Variants in ITPR2 observed in about 807,000 individuals in gnomAD.
The protein encoded by ITPR2 is inositol 1,4,5-trisphosphate-gated calcium channel ITPR2.
A neutral mutation model predicts 317.1 loss-of-function variants in ITPR2; 207 were observed. The observed-to-expected ratio is 0.65, with a 90% CI of 0.58 to 0.73. ITPR2 has a LOEUF of 0.73. Ranked by LOEUF, ITPR2 falls within the 30% of genes least tolerant of loss-of-function variation. The probability of loss-of-function intolerance (pLI) is 0.00; values close to 1 mark genes in which losing one functional copy is unlikely to be tolerated. For synonymous variants in ITPR2, 1,156 were observed against 1,149.1 expected, an observed-to-expected ratio of 1.01 and a Z score of -0.12; for missense variants, 2,613 against 3,284.0, an observed-to-expected ratio of 0.80 and a Z score of 4.99.
intron 5 of ITPR2, among the ~76,000 whole-genome samples, chr12:26,718,854 CA>C (rs1291895600): frequency 6.6e-6 from 1 of 152,082 alleles, no homozygotes; most frequent in Non-Finnish European, 1.5e-5. Flanking sequence ...TCAGGTGATT[CA>C]CCTGCCTCAG....
rs191674070 is a variant in ITPR2 at position 26,364,403 on chromosome 12, T to C, written c.7857+23031A>G. ...TGGCACAAAATAAGTGCTTTATACATAGTATAAATGAATAAATGAATGAAC... is the reference window on the plus strand; with the variant it reads ...TGGCACAAAATAAGTGCTTTATACACAGTATAAATGAATAAATGAATGAAC... On this transcript the variant is annotated intron_variant, in intron 55 of 56. Coordinates refer to ENST00000381340, the MANE Select transcript of ITPR2 (RefSeq NM_002223.4). 4.1e-3 allele frequency among the ~76,000 whole-genome samples: 630 copies of C among 152,286 alleles called. 7 individuals are homozygous for C. The highest frequency in any genetic ancestry group is 0.014 in the African/African-American group (592 of 41,554).
At chr12:26,523,014 T>C (rs1015144845) in intron 37 of ITPR2, among the ~76,000 whole-genome samples, 4 of 152,356 alleles carry the variant, frequency 2.6e-5, no homozygotes, top group Admixed American at 1.3e-4. Context: ...CTAACGAGCA[T>C]TGTCTCACAA....
rs1937932394 is a variant in ITPR2, at chr12:26,336,915, C to G, written c.*2482G>C. The G allele has an allele frequency of 1.3e-5, 2 of 150,726 alleles. No homozygotes were observed. The highest frequency in any genetic ancestry group is 4.9e-5 in the African/African-American group (2 of 40,958). 9.3% of individuals were successfully genotyped at this position (150,726 alleles called of 1,614,324 possible). ...TCAAATTTCCCCATTATCTTCTCCT[C>G]TTCTTCATTAGGAATTTGATGTTCT... On this transcript the variant is annotated 3_prime_UTR_variant, in exon 57 of 57. Coordinates refer to ENST00000381340, the MANE Select transcript of ITPR2 (RefSeq NM_002223.4).
At chr12:26,696,056 T>G (rs1448153597) in intron 9 of ITPR2, among the ~76,000 whole-genome samples, 2 of 152,130 alleles carry the variant, frequency 1.3e-5, no homozygotes, top group African/African-American at 2.4e-5. Context: ...ACATGTTATG[T>G]ACACAAGGAA....
chr12:26,539,820 G>A (rs537523602), intron 37 of ITPR2, among the ~76,000 whole-genome samples: 2 of 152,302 alleles, frequency 1.3e-5, no homozygotes, highest in South Asian at 4.1e-4. Flanking sequence ...TGTTACCTGG[G>A]TAACAGAGAT....
intron 37 of ITPR2, among the ~76,000 whole-genome samples, chr12:26,522,285 A>T (rs948978627): frequency 2.6e-5 from 4 of 152,190 alleles, no homozygotes; most frequent in Non-Finnish European, 5.9e-5. Context: ...CAGCATAGAG[A>T]TGTTCTAATG....
At chr12:26,542,789 G>A (rs1344511819) in intron 37 of ITPR2, among the ~76,000 whole-genome samples, 1 of 152,140 alleles carries the variant, frequency 6.6e-6, no homozygotes, top group Non-Finnish European at 1.5e-5. Flanking sequence ...TTATATGTAT[G>A]TCAGTGTAAC....
intron 37 of ITPR2, among the ~76,000 whole-genome samples, chr12:26,499,982 G>T (rs1346111317): frequency 1.3e-5 from 2 of 152,166 alleles, no homozygotes; most frequent in Non-Finnish European, 2.9e-5. Flanking sequence ...TGCTAAAAAT[G>T]ATTAATGAAT....
At chr12:26,388,096 T>C (rs567394897) in intron 54 of ITPR2, among the ~76,000 whole-genome samples, 2 of 152,320 alleles carry the variant, frequency 1.3e-5, no homozygotes, top group South Asian at 4.1e-4. Flanking sequence ...GTCCACACGC[T>C]GAGGACAGCA....
chr12:26,810,521 G>C (rs1393060158), intron 1 of ITPR2, among the ~76,000 whole-genome samples: 1 of 152,184 alleles, frequency 6.6e-6, no homozygotes, highest in Non-Finnish European at 1.5e-5. Flanking sequence ...TTCCCTGACT[G>C]ACTCGATTCC....
chr12:26,655,599 G>C (rs1947352333), intron 20 of ITPR2, 109 bp downstream of exon 20: 1 of 935,914 alleles, frequency 1.1e-6, no homozygotes, highest in Non-Finnish European at 1.5e-6. Flanking sequence ...GGGCGACCGA[G>C]TGAGACTCTG....
intron 2 of ITPR2, among the ~76,000 whole-genome samples, chr12:26,757,961 T>A (rs1949556806): frequency 6.6e-6 from 1 of 152,198 alleles, no homozygotes; most frequent in African/African-American, 2.4e-5. Context: ...TTCTAGAGCA[T>A]TAAAAAGTAA....
At chr12:26,635,526 A>C (rs1946846602) in intron 21 of ITPR2, among the ~76,000 whole-genome samples, 1 of 152,252 alleles carries the variant, frequency 6.6e-6, no homozygotes, top group Non-Finnish European at 1.5e-5. Flanking sequence ...CAGTCATTTA[A>C]TTGTTCTATG....
At chr12:26,565,327 T>C (rs1444250653) in intron 34 of ITPR2, among the ~76,000 whole-genome samples, 1 of 152,204 alleles carries the variant, frequency 6.6e-6, no homozygotes, top group Non-Finnish European at 1.5e-5. Flanking sequence ...TGGAAAAGTT[T>C]TAATATCATA....
intron 2 of ITPR2, among the ~76,000 whole-genome samples, chr12:26,779,384 CA>C (rs1950037298): frequency 6.6e-6 from 1 of 152,170 alleles, no homozygotes; most frequent in African/African-American, 2.4e-5. Context: ...CTTTCTGACC[CA>C]TCTAGCCATA....
At chr12:26,344,513 C>T (rs1015108723) in intron 55 of ITPR2, among the ~76,000 whole-genome samples, 1 of 152,266 alleles carries the variant, frequency 6.6e-6, no homozygotes, top group South Asian at 2.1e-4. Flanking sequence ...TGTAAAGTTG[C>T]CTCCAAAGAA....
rs768930101 is a variant in ITPR2 at position 26,475,326 on chromosome 12, A to G, written c.6312T>C (p.Val2104=). Residue 2104 remains valine, a synonymous_variant, in exon 45 of 57, where the codon GTT becomes GTC. Transcript: ENST00000381340. The part of the protein sequence containing the change: ...GGDDGVSPKD[V]GHNIYILAHQ... ...GGGCCAGAATATAGATATTGTGTCC[A>G]ACATCTTTTGGAGAAACACCATCAT... is the stretch of plus-strand genomic sequence containing the variant. 7 of 1,613,978 alleles carry G rather than the reference A, an allele frequency of 4.3e-6. No individual in the cohort carries two copies. The highest frequency in any genetic ancestry group is 2.7e-5 in the African/African-American group (2 of 74,918).
intron 1 of ITPR2, among the ~76,000 whole-genome samples, chr12:26,803,079 T>G (rs1950586524): frequency 6.6e-6 from 1 of 152,196 alleles, no homozygotes; most frequent in South Asian, 2.1e-4. Flanking sequence ...AATTTACAGT[T>G]TTGGCTTTTA....
chr12:26,627,990 G>T (rs746420652), intron 23 of ITPR2, 43 bp downstream of exon 23: 1 of 1,527,652 alleles, frequency 6.5e-7, no homozygotes, highest in South Asian at 1.3e-5. Context: ...CAAGTTCTCA[G>T]AAAAATAAAA....
Sources: allele counts gnomAD v4.1 joint callset (sites outside exome capture counted in the v4.1 genomes callset), GRCh38; gene constraint gnomAD v4.1.1; transcripts MANE v1.5; gene names NCBI Gene and HGNC (gene_info 2026-07-23, HGNC 2026-07-21).